The following TLN2 variants were observed in gnomAD, a reference collection of about 807,000 sequenced individuals.
The protein encoded by TLN2 is talin 2.
A neutral mutation model predicts 294.7 loss-of-function variants in TLN2; 118 were observed. The observed-to-expected ratio is 0.40, with a 90% CI of 0.34 to 0.47. TLN2 has a LOEUF of 0.47. Ranked by LOEUF, TLN2 falls within the 20% of genes least tolerant of loss-of-function variation. The pLI, the probability that TLN2 is intolerant of heterozygous loss-of-function variation, is 0.84. For synonymous variants in TLN2, 1,431 were observed against 1,304.5 expected (o/e 1.10, Z -2.09); for missense variants, 3,083 against 3,282.2 (o/e 0.94, Z 1.48).
chr15:62,469,563 G>A (rs1017870148), intron 1 of TLN2, among the ~76,000 whole-genome samples: 14 of 152,194 alleles, frequency 9.2e-5, no homozygotes, highest in African/African-American at 1.4e-4. Flanking sequence ...GGGCCTGAAT[G>A]GATGGAGCAA....
intron 3 of TLN2, 102 bp from the exon 4 acceptor site, chr15:62,647,173 A>T (rs971649516): frequency 9.1e-7 from 1 of 1,102,942 alleles, no homozygotes. Flanking sequence ...TTCTCTTTCC[A>T]TGTTTAAAGT....
intron 3 of TLN2, among the ~76,000 whole-genome samples, chr15:62,633,195 G>C (rs751826803): frequency 1.3e-5 from 2 of 152,188 alleles, no homozygotes; most frequent in Non-Finnish European, 2.9e-5. Flanking sequence ...CCTGGTTAGA[G>C]TCCTGCTCCT....
intron 2 of TLN2, among the ~76,000 whole-genome samples, chr15:62,608,805 G>C (rs2047663725): frequency 6.6e-6 from 1 of 152,140 alleles, no homozygotes; most frequent in Non-Finnish European, 1.5e-5. Flanking sequence ...TGCAAGTCCT[G>C]AGGGTACATG....
chr15:62,794,530 C>T (rs942704222), intron 46 of TLN2, among the ~76,000 whole-genome samples: 4 of 152,228 alleles, frequency 2.6e-5, no homozygotes. Flanking sequence ...TACAACCCTG[C>T]AGGCTTCCCG....
intron 28 of TLN2, chr15:62,733,891 G>T (rs2060864837): frequency 6.6e-6 from 1 of 152,212 alleles, no homozygotes; most frequent in Non-Finnish European, 1.5e-5. Flanking sequence ...CATTCGGTGG[G>T]TGTTGTTTGC....
intron 42 of TLN2, among the ~76,000 whole-genome samples, chr15:62,773,381 G>T (rs1377308143): frequency 1.3e-5 from 2 of 152,018 alleles, no homozygotes; most frequent in African/African-American, 4.8e-5. Flanking sequence ...TTTCAGTAAA[G>T]CATTAGATGA....
At chr15:62,542,764 G>A (rs2041770557) in intron 1 of TLN2, among the ~76,000 whole-genome samples, 1 of 151,932 alleles carries the variant, frequency 6.6e-6, no homozygotes, top group African/African-American at 2.4e-5. Flanking sequence ...TATGTATGTG[G>A]GCCTCACCAT....
chr15:62,601,667 G>A (rs978352341), intron 2 of TLN2, among the ~76,000 whole-genome samples: 2 of 152,006 alleles, frequency 1.3e-5, no homozygotes, highest in African/African-American at 4.8e-5. Context: ...TTCCTACCTT[G>A]TTTATATACT....
intron 2 of TLN2, among the ~76,000 whole-genome samples, chr15:62,615,945 AT>A (rs139705548): frequency 0.012 from 1,831 of 151,164 alleles, 38 homozygotes; most frequent in African/African-American, 0.042. Flanking sequence ...GGAGGATAAC[AT>A]TTTTTTTTGT....
intron 45 of TLN2, among the ~76,000 whole-genome samples, chr15:62,785,815 C>T (rs2064609006): frequency 6.6e-6 from 1 of 152,136 alleles, no homozygotes; most frequent in South Asian, 2.1e-4. Flanking sequence ...TTGTAAGCTA[C>T]CCACCCAACG....
intron 3 of TLN2, among the ~76,000 whole-genome samples, chr15:62,620,837 CTTTTTTTT>C (rs71129016): frequency 9.6e-4 from 64 of 66,422 alleles, no homozygotes; most frequent in Non-Finnish European, 7.1e-4. Flanking sequence ...CTTTCTTTTT[CTTTTTTTT>C]TTTTTTTTTT....
chr15:62,606,703 C>A (rs1261540383), intron 2 of TLN2, among the ~76,000 whole-genome samples: 1 of 152,158 alleles, frequency 6.6e-6, no homozygotes, highest in African/African-American at 2.4e-5. Context: ...TAACTGGGAA[C>A]AATACTTCAA....
intron 1 of TLN2, among the ~76,000 whole-genome samples, chr15:62,478,393 G>C (rs1263216090): frequency 6.6e-6 from 1 of 152,002 alleles, no homozygotes; most frequent in Non-Finnish European, 1.5e-5. Flanking sequence ...GACCCAGATA[G>C]GACCCTCCCC....
chr15:62,609,909 A>G (rs2047773910), intron 2 of TLN2, among the ~76,000 whole-genome samples: 1 of 152,126 alleles, frequency 6.6e-6, no homozygotes, highest in Non-Finnish European at 1.5e-5. Context: ...TGTTACTGTC[A>G]TTATTTTGAC....
At chr15:62,443,260 G>C (rs955236835) in intron 1 of TLN2, among the ~76,000 whole-genome samples, 2 of 152,178 alleles carry the variant, frequency 1.3e-5, no homozygotes, top group Non-Finnish European at 2.9e-5. Flanking sequence ...TGGCAATCCA[G>C]CTTAATAAAT....
intron 9 of TLN2, chr15:62,658,302 T>C (rs1459492229): frequency 6.1e-6 from 1 of 163,078 alleles, no homozygotes. Flanking sequence ...CAGCAGGCCA[T>C]TCTTGGTATT....
intron 46 of TLN2, among the ~76,000 whole-genome samples, chr15:62,793,416 A>G (rs1265387920): frequency 6.6e-6 from 1 of 152,200 alleles, no homozygotes; most frequent in Non-Finnish European, 1.5e-5. Context: ...GCTTTCCACA[A>G]CTTGATTTCC....
At chr15:62,456,034 A>G (rs937111947) in intron 1 of TLN2, among the ~76,000 whole-genome samples, 4 of 151,454 alleles carry the variant, frequency 2.6e-5, no homozygotes, top group East Asian at 1.9e-4. Flanking sequence ...ACAGACATCT[A>G]TTAACCTGCT....
chr15:62,832,142 G>A, intron 54 of TLN2: 1 of 116,602 alleles, frequency 8.6e-6, no homozygotes, highest in South Asian at 2.9e-4. Context: ...TTAAGTCATT[G>A]TATGTAGAAG....
Sources: gnomAD v4.1 joint callset for allele counts (sites outside exome capture counted in the v4.1 genomes callset) on GRCh38, gnomAD v4.1.1 for gene constraint, MANE v1.5 for transcripts, NCBI Gene and HGNC (gene_info 2026-07-23, HGNC 2026-07-21) for gene names.